Variants in SEM1 observed in about 807,000 individuals in gnomAD.
The protein encoded by SEM1 is 26S proteasome complex subunit SEM1.
A neutral mutation model predicts 12.7 loss-of-function variants in SEM1; 3 were observed. The observed-to-expected ratio is 0.24, with a 90% CI of 0.11 to 0.61. SEM1 has a LOEUF of 0.61. Among genes scored for constraint, SEM1 ranks in the 20% least tolerant of loss-of-function variants. The pLI is 0.88. For synonymous variants in SEM1, 30 were observed against 27.8 expected, an observed-to-expected ratio of 1.08 and a Z score of -0.25; for missense variants, 59 against 81.3, an observed-to-expected ratio of 0.73 and a Z score of 1.06.
chr7:96,612,668 C>T (rs567984357), intron 2 of SEM1, among the ~76,000 whole-genome samples: 9 of 152,208 alleles, frequency 5.9e-5, no homozygotes, highest in African/African-American at 2.2e-4. Flanking sequence ...CGCTCTGTTG[C>T]CCAGTCGCCC....
At chr7:96,515,530 A>T (rs1385253155) in intron 2 of SEM1, among the ~76,000 whole-genome samples, 1 of 152,214 alleles carries the variant, frequency 6.6e-6, no homozygotes, top group African/African-American at 2.4e-5. Flanking sequence ...TACTGGGTAT[A>T]TACCCAAAGG....
At chr7:96,576,946 C>T (rs928347528) in intron 2 of SEM1, among the ~76,000 whole-genome samples, 4 of 151,928 alleles carry the variant, frequency 2.6e-5, no homozygotes, top group African/African-American at 4.8e-5. Context: ...GGTGAAACCC[C>T]GTTTCTACTA....
chr7:96,629,021 G>T (rs1389099013), intron 2 of SEM1, among the ~76,000 whole-genome samples: 2 of 152,154 alleles, frequency 1.3e-5, no homozygotes, highest in South Asian at 4.1e-4. Context: ...ACATATGGGA[G>T]CTCCATTGTA....
chr7:96,507,712 A>G (rs1803801639), intron 2 of SEM1, among the ~76,000 whole-genome samples: 1 of 152,130 alleles, frequency 6.6e-6, no homozygotes, highest in Non-Finnish European at 1.5e-5. Flanking sequence ...ATGAGGCAGA[A>G]GAGTGTCCCC....
intron 2 of SEM1, among the ~76,000 whole-genome samples, chr7:96,642,102 T>G (rs1434605478): frequency 6.6e-6 from 1 of 152,054 alleles, no homozygotes; most frequent in African/African-American, 2.4e-5. Context: ...ACTGGTCACA[T>G]TTCAAGGGTT....
intron 2 of SEM1, among the ~76,000 whole-genome samples, chr7:96,581,593 C>A (rs1806410184): frequency 6.6e-6 from 1 of 152,130 alleles, no homozygotes; most frequent in African/African-American, 2.4e-5. Flanking sequence ...TTGATTCTTC[C>A]TACCCATGAG....
In SEM1 at chr7:96,644,794, T is replaced by A. The variant is rs73392886; in HGVS notation, c.171-22151A>T. On this transcript the variant is annotated intron_variant, in intron 2 of 2. Transcript: ENST00000417009. ...CTTAATGCTAGGTTTCTATTATCCA[T>A]CTTCTCCTCTGTGTGTAATAGATAA... 5.7e-4 allele frequency among the ~76,000 whole-genome samples: 87 copies of A among 152,262 alleles called. 1 individual carries two copies. The highest frequency in any genetic ancestry group is 2.0e-3 in the African/African-American group (85 of 41,556).
chr7:96,562,636 TCATA>T (rs1805724310), intron 2 of SEM1, among the ~76,000 whole-genome samples: 1 of 152,130 alleles, frequency 6.6e-6, no homozygotes, highest in Admixed American at 6.6e-5. Context: ...AGGGAGACAC[TCATA>T]TGAATATCAC....
intron 2 of SEM1, among the ~76,000 whole-genome samples, chr7:96,525,157 C>G (rs1034359539): frequency 1.3e-5 from 2 of 152,212 alleles, no homozygotes; most frequent in South Asian, 2.1e-4. Flanking sequence ...CTCATCCCCA[C>G]TGCTCCTTTA....
chr7:96,641,190 T>G (rs1047239586), intron 2 of SEM1, among the ~76,000 whole-genome samples: 1 of 151,816 alleles, frequency 6.6e-6, no homozygotes, highest in Non-Finnish European at 1.5e-5. Context: ...CCACTTTATA[T>G]CAAACACTAT....
chr7:96,615,983 C>A (rs577225361), intron 2 of SEM1, among the ~76,000 whole-genome samples: 31 of 152,158 alleles, frequency 2.0e-4, no homozygotes, highest in Admixed American at 7.2e-4. Context: ...TCTTTACTAT[C>A]GAAAATAGTA....
At chr7:96,581,258 T>A (rs1358028664) in intron 2 of SEM1, among the ~76,000 whole-genome samples, 1 of 152,174 alleles carries the variant, frequency 6.6e-6, no homozygotes, top group African/African-American at 2.4e-5. Context: ...TTTTCTCAGG[T>A]TTGTCAAAGA....
downstream of SEM1, among the ~76,000 whole-genome samples, chr7:96,621,428 T>C (rs928540135): frequency 6.6e-6 from 1 of 152,144 alleles, no homozygotes; most frequent in Non-Finnish European, 1.5e-5. Context: ...TCTTAAAAGA[T>C]ATAAAAAAGG....
intron 2 of SEM1, among the ~76,000 whole-genome samples, chr7:96,534,714 G>T (rs80266687): frequency 0.012 from 1,851 of 152,050 alleles, 38 homozygotes; most frequent in African/African-American, 0.042. Flanking sequence ...ACAACGTATC[G>T]CAATAGATGG....
intron 2 of SEM1, among the ~76,000 whole-genome samples, chr7:96,657,788 CACA>C (rs1809227077): frequency 6.6e-6 from 1 of 152,130 alleles, no homozygotes; most frequent in South Asian, 2.1e-4. Context: ...GGGTGATGAC[CACA>C]ACAACGCCAG....
At chr7:96,524,382 G>C (rs1001903900) in intron 2 of SEM1, among the ~76,000 whole-genome samples, 2 of 152,112 alleles carry the variant, frequency 1.3e-5, no homozygotes, top group African/African-American at 4.8e-5. Flanking sequence ...GGCATGTACA[G>C]CTATTGCACA....
intron 2 of SEM1, among the ~76,000 whole-genome samples, chr7:96,526,994 A>G (rs1433318240): frequency 6.6e-6 from 1 of 152,096 alleles, no homozygotes; most frequent in Admixed American, 6.6e-5. Flanking sequence ...TGACCCATAA[A>G]CCATCCCTCA....
At chr7:96,549,496 G>A (rs1371173089) in intron 2 of SEM1, among the ~76,000 whole-genome samples, 1 of 152,148 alleles carries the variant, frequency 6.6e-6, no homozygotes, top group Admixed American at 6.5e-5. Flanking sequence ...TTTCATAAAA[G>A]CGTTCTTTAA....
intron 2 of SEM1, among the ~76,000 whole-genome samples, chr7:96,545,029 G>A (rs147378078): frequency 3.9e-5 from 6 of 152,000 alleles, no homozygotes; most frequent in African/African-American, 7.2e-5. Context: ...TCCCTTACTC[G>A]TAACCACTTC....
Sources: allele counts gnomAD v4.1 joint callset (sites outside exome capture counted in the v4.1 genomes callset), GRCh38; gene constraint gnomAD v4.1.1; transcripts MANE v1.5; gene names NCBI Gene and HGNC (gene_info 2026-07-23, HGNC 2026-07-21).